The following CLUAP1 variants were observed in gnomAD, a reference collection of about 807,000 sequenced individuals.
The protein encoded by CLUAP1 is clusterin-associated protein 1.
Under a neutral mutation model 55.0 loss-of-function variants are expected in CLUAP1, and 50 were observed. The observed-to-expected ratio is 0.91, with a 90% CI of 0.72 to 1.15. The LOEUF is 1.15. Ranked by LOEUF, CLUAP1 falls within the 50% of genes most tolerant of loss-of-function variation. The pLI, the probability that CLUAP1 is intolerant of heterozygous loss-of-function variation, is 0.00. For synonymous variants in CLUAP1, 195 were observed against 175.4 expected (o/e 1.11, Z -0.88); for missense variants, 530 against 507.6 (o/e 1.04, Z -0.42).
chr16:3,500,016 T>G (rs1207533300), upstream of CLUAP1, among the ~76,000 whole-genome samples: 1 of 152,222 alleles, frequency 6.6e-6, no homozygotes, highest in Non-Finnish European at 1.5e-5. Flanking sequence ...ACCAATCGCT[T>G]TGTGCACTAC....
intron 4 of CLUAP1, among the ~76,000 whole-genome samples, chr16:3,512,140 C>T (rs769010179): frequency 2.7e-5 from 4 of 148,090 alleles, no homozygotes; most frequent in African/African-American, 5.0e-5. Flanking sequence ...GAGCCGAGAT[C>T]GCGCTATCAC....
intron 1 of CLUAP1, among the ~76,000 whole-genome samples, chr16:3,503,833 T>A (rs1391097028): frequency 2.0e-5 from 3 of 152,218 alleles, no homozygotes; most frequent in Admixed American, 2.0e-4. Context: ...CTGTTTCCTG[T>A]GCTCACACTT....
intron 1 of CLUAP1, among the ~76,000 whole-genome samples, chr16:3,503,483 G>A (rs1332710171): frequency 2.6e-5 from 4 of 152,130 alleles, no homozygotes; most frequent in African/African-American, 9.7e-5. Flanking sequence ...TTTTAGTAGA[G>A]GTGGGGTTTC....
At chr16:3,504,307 C>G (rs528392154) in intron 1 of CLUAP1, among the ~76,000 whole-genome samples, 1 of 152,224 alleles carries the variant, frequency 6.6e-6, no homozygotes, top group East Asian at 1.9e-4. Flanking sequence ...GAAATAACCA[C>G]TGTTAACATT....
chr16:3,534,533 C>T (rs910503686), intron 11 of CLUAP1: 2 of 152,352 alleles, frequency 1.3e-5, no homozygotes, highest in Non-Finnish European at 2.9e-5. Flanking sequence ...CTGATGATCC[C>T]TGTTTGAGAG....
the CLUAP1 span, among the ~76,000 whole-genome samples, chr16:3,495,957 G>A: frequency 6.6e-6 from 1 of 152,042 alleles, no homozygotes; most frequent in African/African-American, 2.4e-5. Context: ...TGGCTAACAC[G>A]GTGAAACCCC....
At chr16:3,522,154 CATTATT>C (rs528557327) in intron 7 of CLUAP1, among the ~76,000 whole-genome samples, 1 of 151,658 alleles carries the variant, frequency 6.6e-6, no homozygotes. Flanking sequence ...GACAGTAGAA[CATTATT>C]ATTATTATTA....
intron 11 of CLUAP1, chr16:3,534,030 G>A (rs929668735): frequency 1.3e-5 from 2 of 152,244 alleles, no homozygotes; most frequent in Admixed American, 1.3e-4. Context: ...CCAGGCACAG[G>A]GTTCCATGCT....
rs777589331 is a variant in CLUAP1 at position 3,536,221 on chromosome 16, C to A, written c.1192C>A (p.Arg398=). ...TTCTCTCTCACCAACCAAGCCCAAT[C>A]GAAGGGTCCGGAAATCTGAACCCCT... ...SISLSPTKPN[R]RVRKSEPLDE... The change falls in exon 12 of 12, where the codon CGA becomes AGA. Residue 398 remains arginine, a synonymous_variant. Coordinates refer to ENST00000576634, the MANE Select transcript of CLUAP1 (RefSeq NM_015041.3). The A allele has an allele frequency of 6.2e-7, 1 of 1,614,138 alleles. No homozygotes were observed. The highest frequency in any genetic ancestry group is 1.7e-5 in the Admixed American group (1 of 60,018).
chr16:3,517,162 T>C (rs1439608543), intron 6 of CLUAP1, among the ~76,000 whole-genome samples: 1 of 151,546 alleles, frequency 6.6e-6, no homozygotes, highest in Non-Finnish European at 1.5e-5. Context: ...TCTTGCTCTG[T>C]TGCCCAGGCT....
chr16:3,503,081 T>G (rs1237815938), intron 1 of CLUAP1, among the ~76,000 whole-genome samples: 1 of 151,900 alleles, frequency 6.6e-6, no homozygotes, highest in Non-Finnish European at 1.5e-5. Context: ...TCCCAGCAAT[T>G]CTCCTGCCCC....
In CLUAP1 at chr16:3,538,216, G is replaced by T. The variant is rs1426699723; in HGVS notation, c.*1945G>T. The T allele has an allele frequency of 1.3e-5, 2 of 151,462 alleles. No individual in the cohort carries two copies. Among genetic ancestry groups the T allele is most frequent in the Non-Finnish European group, 2.9e-5 (2 of 67,942 alleles). The allele number at this position is 151,462 out of a possible 1,614,324, so 9.4% of individuals were successfully genotyped here. A position where few individuals can be genotyped will look rare whatever the true frequency, so the allele number is the denominator to read the frequency against. On this transcript the variant is annotated 3_prime_UTR_variant, in exon 12 of 12. Transcript: ENST00000576634. ...TAAATACTTATTCAGGAGTTCACAG[G>T]TACGAAAAGATACACATAAATTTTA...
Position 3,524,324 on chromosome 16 carries a change from G to A in CLUAP1, c.855+1025G>A, listed in dbSNP as rs1267046137. Among the ~76,000 whole-genome samples the A allele has an allele frequency of 6.1e-5, 9 of 146,888 alleles. No homozygotes were observed. In the South Asian group the frequency reaches 1.3e-3, roughly 21 times the overall value. On this transcript the variant is annotated intron_variant, in intron 8 of 11. Coordinates refer to ENST00000576634, the MANE Select transcript of CLUAP1 (RefSeq NM_015041.3). The stretch of plus-strand genomic sequence containing the variant: ...CTCAAAAAGAAAAAAAAAAAGGGCC[G>A]GGCGCGGTGGCTCACGCCTGTAATC...
chr16:3,506,919 A>G (rs1486184709), intron 3 of CLUAP1, among the ~76,000 whole-genome samples: 1 of 151,624 alleles, frequency 6.6e-6, no homozygotes, highest in Non-Finnish European at 1.5e-5. Context: ...TGTTTATGCC[A>G]GGTGTGGTGG....
chr16:3,520,152 C>T, intron 7 of CLUAP1, 116 bp downstream of exon 7: 1 of 1,072,956 alleles, frequency 9.3e-7, no homozygotes, highest in Non-Finnish European at 1.3e-6. Flanking sequence ...GCGGGGGGTT[C>T]TCTTGAGCCC....
At chr16:3,500,866 C>G (rs1161780976), upstream of CLUAP1, 6 of 595,208 alleles carry the variant, frequency 1.0e-5, no homozygotes, top group Admixed American at 3.0e-5. Flanking sequence ...CCTCTGCCCT[C>G]GGCGTCTCAG....
chr16:3,497,198 A>T (rs2037323757), upstream of CLUAP1, among the ~76,000 whole-genome samples: 1 of 151,882 alleles, frequency 6.6e-6, no homozygotes, highest in South Asian at 2.1e-4. Flanking sequence ...GGAAATATTA[A>T]ATAATTCATA....
At chr16:3,511,829 G>T (rs1371251875) in intron 4 of CLUAP1, among the ~76,000 whole-genome samples, 4 of 152,166 alleles carry the variant, frequency 2.6e-5, no homozygotes, top group Admixed American at 2.6e-4. Context: ...ACATGTTTGT[G>T]GTCACGTGTC....
At chr16:3,505,877 T>A (rs2037497072) in intron 2 of CLUAP1, among the ~76,000 whole-genome samples, 1 of 152,250 alleles carries the variant, frequency 6.6e-6, no homozygotes, top group Non-Finnish European at 1.5e-5. Flanking sequence ...CTCTTCTTTT[T>A]GTTAAAATGT....
Sources: gnomAD v4.1 joint callset for allele counts (sites outside exome capture counted in the v4.1 genomes callset) on GRCh38, gnomAD v4.1.1 for gene constraint, MANE v1.5 for transcripts, NCBI Gene and HGNC (gene_info 2026-07-23, HGNC 2026-07-21) for gene names.